Variants in AFDN observed in about 807,000 individuals in gnomAD.
AFDN encodes afadin.
Under a neutral mutation model 216.6 loss-of-function variants are expected in AFDN, and 68 were observed. That is an observed-to-expected ratio of 0.31 (90% CI 0.26 to 0.38). The LOEUF (loss-of-function observed/expected upper bound fraction) is 0.38. Among genes scored for constraint, AFDN ranks in the 10% least tolerant of loss-of-function variants. AFDN has a pLI of 1.00. For missense variants in AFDN, 2,136 were observed against 2,342.0 expected (o/e 0.91, Z 1.82); for synonymous variants, 868 against 853.7 (o/e 1.02, Z -0.29).
chr6:167,931,658 C>T (rs546234632), intron 23 of AFDN, among the ~76,000 whole-genome samples: 1 of 151,916 alleles, frequency 6.6e-6, no homozygotes, highest in Admixed American at 6.6e-5. Flanking sequence ...AATACATACA[C>T]ACTGCCGAGA....
At chr6:167,878,695 A>G (rs975041485) in intron 5 of AFDN, among the ~76,000 whole-genome samples, 3 of 152,096 alleles carry the variant, frequency 2.0e-5, no homozygotes, top group East Asian at 3.9e-4. Context: ...TGATGTGATC[A>G]TGGTCTGGGA....
At chr6:167,869,952 TTTGTGTGGGGTATAACA>T (rs1784612835) in intron 2 of AFDN, among the ~76,000 whole-genome samples, 1 of 152,106 alleles carries the variant, frequency 6.6e-6, no homozygotes, top group Non-Finnish European at 1.5e-5. Flanking sequence ...CTGCCATCGC[TTTGTGTGGGGTATAACA>T]TTAATGTGAT....
At chr6:167,955,665 T>C (rs1349779112) in intron 30 of AFDN, among the ~76,000 whole-genome samples, 1 of 152,202 alleles carries the variant, frequency 6.6e-6, no homozygotes, top group East Asian at 1.9e-4. Flanking sequence ...AGTAAAATAA[T>C]GCTTGCAATA....
At chr6:167,892,975 A>G (rs1015027702) in intron 8 of AFDN, among the ~76,000 whole-genome samples, 1 of 152,154 alleles carries the variant, frequency 6.6e-6, no homozygotes, top group Non-Finnish European at 1.5e-5. Context: ...AAAACAATGG[A>G]TACAAAAGGA....
At chr6:167,904,022 T>C (rs893598110) in intron 12 of AFDN, among the ~76,000 whole-genome samples, 2 of 152,232 alleles carry the variant, frequency 1.3e-5, no homozygotes, top group African/African-American at 4.8e-5. Context: ...TTGGTACCTC[T>C]TCCTCTTATG....
intron 31 of AFDN, chr6:167,963,962 C>G (rs1270825019): frequency 9.4e-7 from 1 of 1,064,712 alleles, no homozygotes; most frequent in Non-Finnish European, 1.1e-6. Flanking sequence ...TGCACAGTGC[C>G]CATTGCTATA....
Position 167,870,466 on chromosome 6 carries a change from C to T in AFDN, c.382C>T (p.Leu128Phe). Reference sequence around the variant, plus strand: ...AGATGATCGGGAAGGCAGATTTGTTCTTAAGAATGAGAATGACGCCATTCC... The same window carrying T: ...AGATGATCGGGAAGGCAGATTTGTTTTTAAGAATGAGAATGACGCCATTCC... The part of the protein sequence containing the change: ...NKDDREGRFV[L>F]KNENDAIPPK... Residue 128 changes from leucine to phenylalanine, a missense_variant, in exon 3 of 34, where the codon CTT becomes TTT. Physicochemically the swap from Leu to Phe is conservative, Grantham distance 22. Coordinates refer to ENST00000683244, the MANE Select transcript of AFDN (RefSeq NM_001386888.1). The T allele has an allele frequency of 6.2e-7, 1 of 1,611,924 alleles. No homozygotes were observed. Among genetic ancestry groups the T allele is most frequent in the Non-Finnish European group, 8.5e-7 (1 of 1,178,840 alleles).
intron 1 of AFDN, among the ~76,000 whole-genome samples, chr6:167,833,452 TAGC>T (rs1780046495): frequency 6.6e-6 from 1 of 152,212 alleles, no homozygotes; most frequent in South Asian, 2.1e-4. Flanking sequence ...TTCAGAATCC[TAGC>T]AAGTTCTCTT....
chr6:167,856,728 T>C (rs1428112384), intron 1 of AFDN, among the ~76,000 whole-genome samples: 1 of 152,112 alleles, frequency 6.6e-6, no homozygotes, highest in Admixed American at 6.6e-5. Flanking sequence ...GTTATCTCCA[T>C]TTTTATACAA....
At position 167,969,828 on chromosome 6, in the gene AFDN, A is replaced by C. The variant is rs751471461; in HGVS notation, c.5389A>C (p.Thr1797Pro). 6.2e-7 allele frequency: 1 copy of C among 1,612,970 alleles called. No individual in the cohort carries two copies. The change falls in exon 34 of 34, where the codon ACA becomes CCA. Residue 1797 changes from threonine (T) to proline (P), a missense_variant. Transcript: ENST00000683244. ...PGSSGAPENL[T>P]FKERQRLFSQ... ...AAGTTCTGGGGCCCCTGAAAACTTG[A>C]CATTCAAGGAACGCCAGCGTCTTTT...
At chr6:167,875,633 T>C in intron 5 of AFDN, 138 bp downstream of exon 5, 1 of 891,308 alleles carries the variant, frequency 1.1e-6, no homozygotes, top group Admixed American at 2.7e-5. Context: ...CATATACTTC[T>C]GGTACAAAAT....
intron 1 of AFDN, among the ~76,000 whole-genome samples, chr6:167,861,250 G>C (rs1783534688): frequency 6.6e-6 from 1 of 152,216 alleles, no homozygotes; most frequent in Non-Finnish European, 1.5e-5. Context: ...TGTTTATTAA[G>C]GGAATATTCT....
rs1426011182 is a variant in AFDN, at chr6:167,848,895, A to G, written c.106-15656A>G. ...TCATTTTGTATTATTGTATAGTACA[A>G]TGATTACTGATTGTTTAGTCTGCCA... is the stretch of plus-strand genomic sequence containing the variant. On this transcript the variant is annotated intron_variant, in intron 1 of 33. Coordinates refer to ENST00000683244, the MANE Select transcript of AFDN (RefSeq NM_001386888.1). 4.6e-5 allele frequency among the ~76,000 whole-genome samples: 7 copies of G among 152,316 alleles called. No individual in the cohort carries two copies. In the South Asian group the frequency reaches 6.2e-4, roughly 14 times the overall value.
At chr6:167,918,217 CTAAA>C (rs1485528190) in intron 20 of AFDN, among the ~76,000 whole-genome samples, 1 of 152,126 alleles carries the variant, frequency 6.6e-6, no homozygotes, top group Admixed American at 6.5e-5. Context: ...TAAAACGTGT[CTAAA>C]TAAAAATCAC....
chr6:167,965,721 T>G lies in AFDN; in HGVS notation c.4969-36T>G, dbSNP rs576751688. The G allele has an allele frequency of 1.2e-4, 177 of 1,495,044 alleles. 2 individuals carry two copies. In the South Asian group the frequency reaches 2.3e-3, roughly 19 times the overall value. The allele number at this position is 1,495,044 out of a possible 1,614,324, so 92.6% of individuals were successfully genotyped here. The stretch of plus-strand genomic sequence containing the variant: ...GTGGGTCGGCTGTTCCCTTCTCACC[T>G]CTGACCTTTGCACTCTTGTCTATTC... On this transcript the variant is annotated intron_variant, in intron 31 of 33. Transcript: ENST00000683244.
chr6:167,867,431 T>C (rs1784303451), intron 2 of AFDN, among the ~76,000 whole-genome samples: 1 of 151,398 alleles, frequency 6.6e-6, no homozygotes, highest in East Asian at 1.9e-4. Flanking sequence ...TTTTTTCTTT[T>C]CTTTTTTTTT....
Position 167,872,395 on chromosome 6 carries a change from A to G in AFDN, c.578+18A>G. 1.3e-6 allele frequency: 2 copies of G among 1,592,854 alleles called. No individual in the cohort carries two copies. Among genetic ancestry groups the G allele is most frequent in the South Asian group, 2.3e-5 (2 of 86,060 alleles). On this transcript the variant is annotated intron_variant, in intron 4 of 33. Transcript: ENST00000683244. ...GAGGATGTGTAAGTCAGTTTTGGAA[A>G]TGTTCCCCTTTCTTTGTGCTCCAAA...
chr6:167,886,026 CATT>C (rs1786757575), intron 6 of AFDN, among the ~76,000 whole-genome samples: 2 of 151,702 alleles, frequency 1.3e-5, no homozygotes, highest in Non-Finnish European at 2.9e-5. Flanking sequence ...ATCTGAATCT[CATT>C]ATAAAATAAA....
At chr6:167,883,532 C>T (rs1238447439) in intron 6 of AFDN, among the ~76,000 whole-genome samples, 2 of 152,086 alleles carry the variant, frequency 1.3e-5, no homozygotes, top group African/African-American at 2.4e-5. Flanking sequence ...GTTGCAGGTT[C>T]GATGCCAGAG....
Sources: gnomAD v4.1 joint callset for allele counts (sites outside exome capture counted in the v4.1 genomes callset) on GRCh38, gnomAD v4.1.1 for gene constraint, MANE v1.5 for transcripts, NCBI Gene and HGNC (gene_info 2026-07-23, HGNC 2026-07-21) for gene names.